The following OR9Q1 variants were observed in gnomAD, a reference collection of about 807,000 sequenced individuals.
OR9Q1 encodes olfactory receptor family 9 subfamily Q member 1, also known as olfactory receptor 9Q1.
For synonymous variants in OR9Q1, 153 were observed against 148.6 expected (o/e 1.03, Z -0.22); for missense variants, 374 against 378.8 (o/e 0.99, Z 0.11).
intron 2 of OR9Q1, among the ~76,000 whole-genome samples, chr11:58,107,729 G>T (rs375130357): frequency 2.7e-5 from 4 of 150,854 alleles, no homozygotes; most frequent in African/African-American, 9.7e-5. Context: ...CTCGAATGTG[G>T]GATGTCTTTC....
intron 2 of OR9Q1, among the ~76,000 whole-genome samples, chr11:58,107,752 T>G (rs1025646547): frequency 1.4e-5 from 2 of 142,976 alleles, no homozygotes; most frequent in African/African-American, 4.9e-5. Context: ...TTTATTTGTC[T>G]CTTCTTTAAT....
chr11:58,085,587 C>T (rs1853626481), intron 2 of OR9Q1, among the ~76,000 whole-genome samples: 1 of 151,750 alleles, frequency 6.6e-6, no homozygotes, highest in Non-Finnish European at 1.5e-5. Flanking sequence ...GCAAATACCT[C>T]TCTATTCTAT....
At chr11:58,038,290 G>T (rs567272397) in intron 1 of OR9Q1, among the ~76,000 whole-genome samples, 1 of 152,248 alleles carries the variant, frequency 6.6e-6, no homozygotes, top group Admixed American at 6.5e-5. Context: ...AATTTTTAAA[G>T]CCACTACTAA....
chr11:58,155,462 T>G (rs572289704), intron 2 of OR9Q1, among the ~76,000 whole-genome samples: 1 of 152,334 alleles, frequency 6.6e-6, no homozygotes, highest in East Asian at 1.9e-4. Context: ...TTTAAGGAAG[T>G]GCTCACTCTC....
In OR9Q1 at chr11:58,179,734, G is replaced by T; in HGVS notation, c.290G>T (p.Cys97Phe). The T allele has an allele frequency of 6.2e-7, 1 of 1,614,194 alleles. No individual in the cohort carries two copies. Among genetic ancestry groups the T allele is most frequent in the South Asian group, 1.1e-5 (1 of 91,086 alleles). Residue 97 changes from cysteine to phenylalanine, a missense_variant, in exon 3 of 3, where the codon TGT becomes TTT. Transcript: ENST00000335397. ...EHGAALSYTR[C>F]AAQFFLFTFF... ...GGGGCAGCTTTATCTTACACACGCT[G>T]TGCTGCTCAGTTCTTTCTGTTCACC...
At chr11:58,087,654 C>T (rs2441975) in intron 2 of OR9Q1, among the ~76,000 whole-genome samples, 140,615 of 151,686 alleles carry the variant, frequency 0.93, 65,576 homozygotes, top group South Asian at 0.97. Flanking sequence ...CCCATCAACT[C>T]GTCATCTAGA....
chr11:58,119,535 G>A (rs770794228), intron 2 of OR9Q1: 90 of 900,222 alleles, frequency 1.0e-4, no homozygotes, highest in Non-Finnish European at 1.4e-4. Flanking sequence ...TATGGTGGAA[G>A]TTTTGGTTTT....
intron 2 of OR9Q1, among the ~76,000 whole-genome samples, chr11:58,173,429 T>C (rs570246638): frequency 1.3e-4 from 20 of 151,802 alleles, no homozygotes; most frequent in Non-Finnish European, 2.4e-4. Context: ...GAATGATGAT[T>C]TCCAGTTTCA....
At position 58,031,722 on chromosome 11, in the gene OR9Q1, G is replaced by T. The variant is rs748139006; in HGVS notation, c.-93+7618G>T. On this transcript the variant is annotated intron_variant, in intron 1 of 2. Transcript: ENST00000335397. ...CTGACTGTGGTGAGCCTCTTCTATG[G>T]CACTCTTTTCTTTATGTATGTCCAG... The T allele has an allele frequency of 1.2e-4, 191 of 1,613,882 alleles. 1 individual carries two copies. Among genetic ancestry groups the T allele is most frequent in the Non-Finnish European group, 1.5e-4 (182 of 1,179,966 alleles).
At chr11:58,142,257 C>T (rs549682342) in intron 2 of OR9Q1, among the ~76,000 whole-genome samples, 3 of 152,110 alleles carry the variant, frequency 2.0e-5, no homozygotes, top group South Asian at 2.1e-4. Context: ...CCAGGCTCCA[C>T]GAGAATGAGC....
chr11:58,099,201 T>C (rs865824421), intron 2 of OR9Q1, among the ~76,000 whole-genome samples: 1 of 150,484 alleles, frequency 6.6e-6, no homozygotes, highest in Admixed American at 6.6e-5. Context: ...CTTAATAGTG[T>C]TTTTCAAATC....
chr11:58,099,684 C>T (rs370783908), intron 2 of OR9Q1, among the ~76,000 whole-genome samples: 10 of 152,070 alleles, frequency 6.6e-5, no homozygotes, highest in South Asian at 4.2e-4. Context: ...TTTGGTTGAT[C>T]GGCTTCATCC....
At chr11:58,115,007 A>G (rs370370031) in intron 2 of OR9Q1, among the ~76,000 whole-genome samples, 4 of 152,260 alleles carry the variant, frequency 2.6e-5, no homozygotes, top group South Asian at 4.1e-4. Context: ...TGTCCGTACT[A>G]TTCTGTGCGG....
intron 1 of OR9Q1, among the ~76,000 whole-genome samples, chr11:58,042,352 C>A (rs1853173570): frequency 6.6e-6 from 1 of 151,952 alleles, no homozygotes; most frequent in Non-Finnish European, 1.5e-5. Context: ...CCAGGTTCAG[C>A]TTTCTACATA....
At chr11:58,055,359 G>C (rs560024705) in intron 1 of OR9Q1, among the ~76,000 whole-genome samples, 11 of 152,190 alleles carry the variant, frequency 7.2e-5, no homozygotes, top group South Asian at 6.2e-4. Context: ...GCTGAGCCTA[G>C]TTTGAAGATC....
chr11:58,031,094 A>G lies in OR9Q1; in HGVS notation c.-93+6990A>G, dbSNP rs781387223. On this transcript the variant is annotated intron_variant, in intron 1 of 2. Coordinates refer to ENST00000335397, the MANE Select transcript of OR9Q1 (RefSeq NM_001005212.4). ...CACCTTGGTGGAGAATTTGGCCATC[A>G]TTTTAGTGGTGGGTTTGGACCACCG... The G allele has an allele frequency of 3.1e-5, 50 of 1,614,074 alleles. No individual in the cohort carries two copies. Among genetic ancestry groups the G allele is most frequent in the Non-Finnish European group, 4.2e-5 (49 of 1,180,040 alleles).
chr11:58,175,127 A>AC (rs397956008), intron 2 of OR9Q1, among the ~76,000 whole-genome samples: 1 of 148,564 alleles, frequency 6.7e-6, no homozygotes, highest in Non-Finnish European at 1.5e-5. Context: ...AAAAAAAAAA[A>AC]GGAGATTTAG....
At chr11:58,126,778 G>A (rs928737915) in intron 2 of OR9Q1, among the ~76,000 whole-genome samples, 5 of 152,178 alleles carry the variant, frequency 3.3e-5, no homozygotes, top group African/African-American at 1.2e-4. Context: ...AATTGGGACA[G>A]GGTGAAGGAA....
intron 2 of OR9Q1, among the ~76,000 whole-genome samples, chr11:58,108,028 G>A (rs1418270824): frequency 6.6e-6 from 1 of 152,028 alleles, no homozygotes; most frequent in Non-Finnish European, 1.5e-5. Flanking sequence ...GTGTTTAGGA[G>A]GAGAAAAAAA....
Sources: gnomAD v4.1 joint callset for allele counts (sites outside exome capture counted in the v4.1 genomes callset) on GRCh38, gnomAD v4.1.1 for gene constraint, MANE v1.5 for transcripts, NCBI Gene and HGNC (gene_info 2026-07-23, HGNC 2026-07-21) for gene names.